The following LRMDA variants were observed in gnomAD, a reference collection of about 807,000 sequenced individuals.
LRMDA encodes the protein leucine-rich melanocyte differentiation-associated protein.
In LRMDA, 18 loss-of-function variants were observed where a neutral mutation model predicts 29.8. The observed-to-expected ratio is 0.60, with a 90% CI of 0.42 to 0.90. The LOEUF is 0.90. Among genes scored for constraint, LRMDA ranks in the 40% least tolerant of loss-of-function variants. The pLI is 0.00. For missense variants in LRMDA, 273 were observed against 273.9 expected (o/e 1.00, Z 0.02); for synonymous variants, 125 against 109.4 (o/e 1.14, Z -0.89).
intron 6 of LRMDA, among the ~76,000 whole-genome samples, chr10:76,375,723 A>AT (rs35821785): frequency 0.84 from 120,083 of 142,916 alleles, 51,034 homozygotes; most frequent in Non-Finnish European, 0.93. Context: ...TCCATGCTGA[A>AT]TTTTTTTTTT....
intron 1 of LRMDA, among the ~76,000 whole-genome samples, chr10:75,432,960 G>T (rs1246587416): frequency 6.6e-6 from 1 of 152,326 alleles, no homozygotes; most frequent in Non-Finnish European, 1.5e-5. Context: ...GCTCAGGAAT[G>T]CTGGCTCTGT....
chr10:75,520,698 A>G (rs1432216439), intron 2 of LRMDA, among the ~76,000 whole-genome samples: 1 of 152,194 alleles, frequency 6.6e-6, no homozygotes, highest in Non-Finnish European at 1.5e-5. Flanking sequence ...CGTCAAAGTC[A>G]TTCTCCGTCC....
chr10:76,437,938 T>C (rs1176776278), intron 6 of LRMDA, among the ~76,000 whole-genome samples: 1 of 152,188 alleles, frequency 6.6e-6, no homozygotes, highest in African/African-American at 2.4e-5. Flanking sequence ...GATTTTCAGA[T>C]GAGGAAACTG....
At chr10:75,692,243 T>C (rs868423055) in intron 2 of LRMDA, among the ~76,000 whole-genome samples, 4 of 132,490 alleles carry the variant, frequency 3.0e-5, no homozygotes, top group East Asian at 4.6e-4. Flanking sequence ...TATATATATA[T>C]ATATACATAT....
At chr10:75,486,127 T>C (rs1203482397) in intron 2 of LRMDA, among the ~76,000 whole-genome samples, 1 of 152,226 alleles carries the variant, frequency 6.6e-6, no homozygotes, top group Non-Finnish European at 1.5e-5. Flanking sequence ...TTTAATTTTC[T>C]CTTTGCATAA....
intron 2 of LRMDA, among the ~76,000 whole-genome samples, chr10:75,924,906 T>G (rs1236487755): frequency 6.6e-6 from 1 of 152,186 alleles, no homozygotes; most frequent in Admixed American, 6.5e-5. Flanking sequence ...TCTCTGCTTT[T>G]GAAGAAACGG....
intron 2 of LRMDA, among the ~76,000 whole-genome samples, chr10:75,729,203 G>C (rs563478331): frequency 6.6e-6 from 1 of 152,348 alleles, no homozygotes; most frequent in Non-Finnish European, 1.5e-5. Flanking sequence ...ATAAATAGCA[G>C]AATCTTGACT....
intron 2 of LRMDA, among the ~76,000 whole-genome samples, chr10:75,811,850 A>G (rs1843966733): frequency 6.6e-6 from 1 of 152,160 alleles, no homozygotes; most frequent in African/African-American, 2.4e-5. Context: ...TGCATTTTTC[A>G]TCAGCTGTTC....
chr10:75,589,765 A>AAATATAT (rs71024554), intron 2 of LRMDA, among the ~76,000 whole-genome samples: 1 of 144,820 alleles, frequency 6.9e-6, no homozygotes, highest in Non-Finnish European at 1.5e-5. Context: ...GTCTAAAAAA[A>AAATATAT]ATATATATAT....
rs189052985 is a variant in LRMDA, at chr10:75,860,204, C to G, written c.132-175804C>G. On this transcript the variant is annotated intron_variant, in intron 2 of 6. Coordinates refer to ENST00000611255, the MANE Select transcript of LRMDA (RefSeq NM_001305581.2). ...GAGGTCGCCTTGTGCAAGAGGTCAC[C>G]TTGCTCTTTGCTGGCTGTTGGCTTC... Among the ~76,000 whole-genome samples the G allele has an allele frequency of 2.0e-5, 3 of 152,066 alleles. No homozygotes were observed. The East Asian group carries it at 5.8e-4, about 29-fold the overall frequency.
intron 2 of LRMDA, among the ~76,000 whole-genome samples, chr10:75,562,655 C>T (rs1840313952): frequency 1.3e-5 from 2 of 152,244 alleles, no homozygotes; most frequent in African/African-American, 4.8e-5. Context: ...CATGATTTTG[C>T]AGTGGCTGGT....
chr10:75,496,900 A>G (rs113424946), intron 2 of LRMDA, among the ~76,000 whole-genome samples: 7 of 152,042 alleles, frequency 4.6e-5, no homozygotes, highest in African/African-American at 1.4e-4. Context: ...CATGAGGGGT[A>G]TATACACATA....
At chr10:75,619,096 C>T (rs528138929) in intron 2 of LRMDA, among the ~76,000 whole-genome samples, 47 of 152,144 alleles carry the variant, frequency 3.1e-4, no homozygotes, top group South Asian at 1.0e-3. Context: ...TGCACCCGGC[C>T]GAAAATATAT....
At chr10:75,463,853 G>C (rs1021155950) in intron 2 of LRMDA, among the ~76,000 whole-genome samples, 8 of 152,150 alleles carry the variant, frequency 5.3e-5, no homozygotes, top group Non-Finnish European at 1.2e-4. Flanking sequence ...TTTTAGTAGA[G>C]ATGGGGTTTC....
At chr10:76,267,193 C>T (rs181687765) in intron 5 of LRMDA, among the ~76,000 whole-genome samples, 11 of 151,958 alleles carry the variant, frequency 7.2e-5, no homozygotes, top group Admixed American at 6.6e-5. Context: ...ACTTTATGCA[C>T]ATAATTTTTT....
intron 2 of LRMDA, among the ~76,000 whole-genome samples, chr10:75,612,752 G>T (rs1841048468): frequency 6.6e-6 from 1 of 151,142 alleles, no homozygotes; most frequent in African/African-American, 2.4e-5. Flanking sequence ...CCCTCTCACT[G>T]TGAAAGTATT....
intron 5 of LRMDA, among the ~76,000 whole-genome samples, chr10:76,246,866 G>A (rs564813987): frequency 6.6e-6 from 1 of 152,312 alleles, no homozygotes; most frequent in African/African-American, 2.4e-5. Context: ...GATGGGTGCT[G>A]CTAAGGGATG....
chr10:76,074,538 C>A (rs962753978), intron 5 of LRMDA, among the ~76,000 whole-genome samples: 15 of 152,188 alleles, frequency 9.9e-5, no homozygotes, highest in Admixed American at 2.6e-4. Context: ...TTATCATCTA[C>A]AGCTTCCACC....
intron 2 of LRMDA, among the ~76,000 whole-genome samples, chr10:75,818,324 T>C (rs960542714): frequency 6.6e-6 from 1 of 152,212 alleles, no homozygotes; most frequent in Non-Finnish European, 1.5e-5. Context: ...TTAGTTTCAC[T>C]GATAAAGATA....
Sources: gnomAD v4.1 joint callset for allele counts (sites outside exome capture counted in the v4.1 genomes callset) on GRCh38, gnomAD v4.1.1 for gene constraint, MANE v1.5 for transcripts, NCBI Gene and HGNC (gene_info 2026-07-23, HGNC 2026-07-21) for gene names.